The following LIPI variants were observed in gnomAD, a reference collection of about 807,000 sequenced individuals.
LIPI encodes lipase member I.
In LIPI, 59 loss-of-function variants were observed where a neutral mutation model predicts 50.6. The observed-to-expected ratio is 1.16, with a 90% CI of 0.94 to 1.45. The LOEUF is 1.45. LIPI is among the 40% of genes most tolerant of loss of function. The pLI is 0.00. For missense variants in LIPI, 586 were observed against 536.3 expected (o/e 1.09, Z -0.92); for synonymous variants, 203 against 178.2 (o/e 1.14, Z -1.11).
At chr21:14,125,872 C>G (rs2017044321) in intron 9 of LIPI, among the ~76,000 whole-genome samples, 1 of 152,030 alleles carries the variant, frequency 6.6e-6, no homozygotes, top group African/African-American at 2.4e-5. Context: ...TAGTTTTAAA[C>G]CCAACTATAT....
At chr21:14,147,863 G>A (rs1416463235) in intron 8 of LIPI, among the ~76,000 whole-genome samples, 4 of 151,724 alleles carry the variant, frequency 2.6e-5, no homozygotes, top group Non-Finnish European at 5.9e-5. Context: ...CTGTTTTTTT[G>A]TTCCCACTGA....
At chr21:14,198,441 T>G (rs530259006) in intron 1 of LIPI, among the ~76,000 whole-genome samples, 1 of 150,664 alleles carries the variant, frequency 6.6e-6, no homozygotes, top group Non-Finnish European at 1.5e-5. Flanking sequence ...CAAGCAAACA[T>G]AAAACAGAAA....
chr21:14,172,971 A>G (rs966759499), intron 4 of LIPI, among the ~76,000 whole-genome samples: 2 of 152,226 alleles, frequency 1.3e-5, no homozygotes, highest in East Asian at 3.8e-4. Context: ...AATACAGAGT[A>G]TGTGAAATAA....
chr21:14,185,721 A>G (rs919891470), intron 3 of LIPI, among the ~76,000 whole-genome samples: 3 of 152,086 alleles, frequency 2.0e-5, no homozygotes, highest in Non-Finnish European at 4.4e-5. Flanking sequence ...CTACTTAAAA[A>G]AAACAAAAAT....
At chr21:14,132,287 T>C (rs559260306) in intron 9 of LIPI, among the ~76,000 whole-genome samples, 4 of 152,268 alleles carry the variant, frequency 2.6e-5, no homozygotes, top group African/African-American at 7.2e-5. Context: ...AAAGGCAAAC[T>C]GAAAGAATTT....
intron 1 of LIPI, among the ~76,000 whole-genome samples, chr21:14,198,536 G>T (rs373294764): frequency 2.0e-5 from 3 of 152,108 alleles, no homozygotes; most frequent in East Asian, 3.9e-4. Context: ...TTACATAATG[G>T]TAAAGGGTTC....
At chr21:14,182,564 C>G (rs1266894440) in intron 3 of LIPI, among the ~76,000 whole-genome samples, 1 of 151,952 alleles carries the variant, frequency 6.6e-6, no homozygotes, top group African/African-American at 2.4e-5. Flanking sequence ...AATATAGCAC[C>G]AATAACAGAC....
Position 14,181,812 on chromosome 21 carries a change from T to G in LIPI, c.589A>C (p.Arg197=). 6.2e-7 allele frequency: 1 copy of G among 1,612,764 alleles called. No homozygotes were observed. The highest frequency in any genetic ancestry group is 8.5e-7 in the Non-Finnish European group (1 of 1,179,026). ...PRFSRKPPYS[R]LDYTDAKFVD... ...AACTTTGCATCCGTGTAATCTAATC[T>G]GCTATATGGTGGTTTTCTGGAGAAC... Residue 197 remains arginine, a synonymous_variant, in exon 4 of 10, where the codon AGA becomes CGA. Coordinates refer to ENST00000681601, the MANE Select transcript of LIPI (RefSeq NM_001302998.2).
At chr21:14,154,175 T>A (rs915029440) in intron 7 of LIPI, among the ~76,000 whole-genome samples, 2 of 147,698 alleles carry the variant, frequency 1.4e-5, no homozygotes, top group Admixed American at 6.8e-5. Context: ...TATAAAAAAA[T>A]AAATCAATGA....
At chr21:14,155,413 A>T (rs2018239520) in intron 7 of LIPI, among the ~76,000 whole-genome samples, 1 of 152,000 alleles carries the variant, frequency 6.6e-6, no homozygotes. Flanking sequence ...GGGCTGTGAC[A>T]TGATGCCTGG....
chr21:14,197,664 TGAG>T (rs1473009675), intron 1 of LIPI, among the ~76,000 whole-genome samples: 1 of 151,972 alleles, frequency 6.6e-6, no homozygotes, highest in African/African-American at 2.4e-5. Context: ...CTGAAAGAGA[TGAG>T]GAGAATAGAA....
At chr21:14,158,389 A>T (rs899542879) in intron 7 of LIPI, among the ~76,000 whole-genome samples, 2 of 151,644 alleles carry the variant, frequency 1.3e-5, no homozygotes, top group Non-Finnish European at 3.0e-5. Flanking sequence ...ATAGAACAGA[A>T]TAAAAAAGAT....
rs1282382008 is a variant in LIPI at position 14,161,739 on chromosome 21, ATATATTAATATATAATATATACATTAT to A, written c.1006+1653_1006+1679del. Among the ~76,000 whole-genome samples the A allele has an allele frequency of 4.5e-4, 35 of 77,184 alleles. 1 individual carries two copies. Among genetic ancestry groups the A allele is most frequent in the African/African-American group, 1.1e-3 (18 of 15,658 alleles). 50.6% of individuals were successfully genotyped at this position (77,184 alleles called of 152,430 possible). On this transcript the variant is annotated intron_variant, in intron 7 of 9. Coordinates refer to ENST00000681601, the MANE Select transcript of LIPI (RefSeq NM_001302998.2). ...ATTAATATATAATATATACATTATT[ATATATTAATATATAATATATACATTAT>A]TATATATTAATATATAATATATACA...
chr21:14,128,050 C>G (rs17207957), intron 9 of LIPI, among the ~76,000 whole-genome samples: 20,877 of 151,876 alleles, frequency 0.14, 1,892 homozygotes, highest in South Asian at 0.21. Flanking sequence ...AACATAGAAC[C>G]AATAACGTTG....
intron 1 of LIPI, among the ~76,000 whole-genome samples, chr21:14,201,223 A>G (rs953540901): frequency 6.6e-6 from 1 of 152,092 alleles, no homozygotes; most frequent in African/African-American, 2.4e-5. Flanking sequence ...CGACAAAGAC[A>G]CCAAACGCAA....
intron 7 of LIPI, among the ~76,000 whole-genome samples, chr21:14,159,025 A>G (rs1270913921): frequency 2.6e-5 from 4 of 151,596 alleles, no homozygotes; most frequent in African/African-American, 9.7e-5. Flanking sequence ...TCCAGACCCA[A>G]ATGGTTTCAC....
chr21:14,197,257 C>G (rs760417737), intron 1 of LIPI, among the ~76,000 whole-genome samples: 44 of 151,792 alleles, frequency 2.9e-4, no homozygotes, highest in Non-Finnish European at 5.7e-4. Flanking sequence ...TGATAAAACA[C>G]TAGGGCATAT....
Position 14,128,324 on chromosome 21 carries a change from T to C in LIPI, c.1295+16299A>G, listed in dbSNP as rs544246248. Among the ~76,000 whole-genome samples the C allele has an allele frequency of 6.6e-5, 10 of 152,158 alleles. No homozygotes were observed. In the East Asian group the frequency reaches 1.9e-3, roughly 29 times the overall value. On this transcript the variant is annotated intron_variant, in intron 9 of 9. Coordinates refer to ENST00000681601, the MANE Select transcript of LIPI (RefSeq NM_001302998.2). Reference sequence around the variant, plus strand: ...TTCTTATTGAAAAAGCTGTTATTTTTAAACTAGTAATAACTAAAAACAAAA... The same window carrying C: ...TTCTTATTGAAAAAGCTGTTATTTTCAAACTAGTAATAACTAAAAACAAAA...
intron 9 of LIPI, among the ~76,000 whole-genome samples, chr21:14,111,118 G>A (rs2016394583): frequency 6.6e-6 from 1 of 151,724 alleles, no homozygotes. Flanking sequence ...TGGGATTGCT[G>A]AATCATATAT....
Sources: gnomAD v4.1 joint callset for allele counts (sites outside exome capture counted in the v4.1 genomes callset) on GRCh38, gnomAD v4.1.1 for gene constraint, MANE v1.5 for transcripts, NCBI Gene and HGNC (gene_info 2026-07-23, HGNC 2026-07-21) for gene names.